The following ZNF407 variants were observed in gnomAD, a reference collection of about 807,000 sequenced individuals.
The protein encoded by ZNF407 is zinc finger protein 407.
A neutral mutation model predicts 131.2 loss-of-function variants in ZNF407; 17 were observed. The ratio of observed to expected loss-of-function variants is 0.13; its 90% confidence interval spans 0.09 to 0.19. The LOEUF (loss-of-function observed/expected upper bound fraction) is 0.19. ZNF407 is among the 10% of genes least tolerant of loss of function. The pLI is 1.00. For synonymous variants in ZNF407, 1,156 were observed against 1,062.0 expected (o/e 1.09, Z -1.72); for missense variants, 2,681 against 2,830.6 (o/e 0.95, Z 1.20).
At chr18:74,727,053 G>T (rs889812867) in intron 3 of ZNF407, among the ~76,000 whole-genome samples, 2 of 152,164 alleles carry the variant, frequency 1.3e-5, no homozygotes, top group African/African-American at 2.4e-5. Context: ...AATTTACTCA[G>T]TTCAGCTCTA....
chr18:74,652,661 T>C (rs889741958), intron 3 of ZNF407, among the ~76,000 whole-genome samples: 1 of 152,006 alleles, frequency 6.6e-6, no homozygotes, highest in African/African-American at 2.4e-5. Context: ...GTGGGTGCTA[T>C]ATTTTTCTCC....
At chr18:74,787,041 A>T (rs1330062603) in intron 4 of ZNF407, among the ~76,000 whole-genome samples, 1 of 151,926 alleles carries the variant, frequency 6.6e-6, no homozygotes, top group African/African-American at 2.4e-5. Context: ...TCCTCACCTC[A>T]GGTGATCCAC....
intron 1 of ZNF407, among the ~76,000 whole-genome samples, chr18:74,599,380 T>A (rs1408206355): frequency 6.6e-6 from 1 of 152,170 alleles, no homozygotes; most frequent in Non-Finnish European, 1.5e-5. Flanking sequence ...GACAGTTCCA[T>A]TGGTACCTTT....
chr18:74,744,746 T>C (rs1420378074), intron 3 of ZNF407, among the ~76,000 whole-genome samples: 1 of 151,346 alleles, frequency 6.6e-6, no homozygotes, highest in African/African-American at 2.4e-5. Flanking sequence ...ATACCATTTT[T>C]GAAAAGCTCA....
intron 5 of ZNF407, among the ~76,000 whole-genome samples, chr18:74,878,269 A>G (rs1453277579): frequency 1.3e-5 from 2 of 152,156 alleles, no homozygotes; most frequent in Non-Finnish European, 2.9e-5. Flanking sequence ...TACACCTCTC[A>G]GAATGTATTT....
At chr18:74,675,688 A>G (rs73971138) in intron 3 of ZNF407, among the ~76,000 whole-genome samples, 3,733 of 152,224 alleles carry the variant, frequency 0.025, 135 homozygotes, top group African/African-American at 0.08. Context: ...TTGAAGTTAT[A>G]TACCCTTTTT....
chr18:74,663,250 A>G (rs1319357464), intron 3 of ZNF407, among the ~76,000 whole-genome samples: 1 of 152,204 alleles, frequency 6.6e-6, no homozygotes, highest in Non-Finnish European at 1.5e-5. Flanking sequence ...GGTAGCTCTT[A>G]TTTATGTGTA....
At chr18:74,872,543 C>T (rs1323254112) in intron 4 of ZNF407, among the ~76,000 whole-genome samples, 1 of 151,868 alleles carries the variant, frequency 6.6e-6, no homozygotes, top group Non-Finnish European at 1.5e-5. Context: ...GCAGGCAGAT[C>T]ACGAGGTCAG....
intron 8 of ZNF407, among the ~76,000 whole-genome samples, chr18:74,982,893 A>C (rs1972609301): frequency 6.6e-6 from 1 of 152,210 alleles, no homozygotes; most frequent in Non-Finnish European, 1.5e-5. Context: ...CTTCCAAAGA[A>C]ACTCATCAAC....
intron 4 of ZNF407, among the ~76,000 whole-genome samples, chr18:74,861,884 T>C (rs2145160459): frequency 6.6e-6 from 1 of 152,336 alleles, no homozygotes; most frequent in East Asian, 1.9e-4. Flanking sequence ...TAAATCCTAC[T>C]CTTGAGGATA....
At chr18:74,759,257 C>T (rs1390097843) in intron 3 of ZNF407, among the ~76,000 whole-genome samples, 2 of 152,058 alleles carry the variant, frequency 1.3e-5, no homozygotes, top group African/African-American at 2.4e-5. Context: ...GACTCTGTTG[C>T]TGCTCTCAGG....
intron 4 of ZNF407, among the ~76,000 whole-genome samples, chr18:74,834,248 A>G (rs2145122087): frequency 6.6e-6 from 1 of 152,378 alleles, no homozygotes; most frequent in African/African-American, 2.4e-5. Flanking sequence ...CAGCTGATTT[A>G]GAAACTATTC....
chr18:74,692,397 C>T (rs560648047), intron 3 of ZNF407, among the ~76,000 whole-genome samples: 71 of 152,174 alleles, frequency 4.7e-4, no homozygotes, highest in Admixed American at 1.7e-3. Flanking sequence ...TCCACAGGCC[C>T]CGCATGCCTG....
chr18:74,693,462 C>T (rs571229392), intron 3 of ZNF407, among the ~76,000 whole-genome samples: 1 of 152,250 alleles, frequency 6.6e-6, no homozygotes, highest in African/African-American at 2.4e-5. Context: ...TAATTAATCT[C>T]AGCTTTTGTT....
chr18:74,669,968 C>T (rs1423832670), intron 3 of ZNF407, among the ~76,000 whole-genome samples: 1 of 152,204 alleles, frequency 6.6e-6, no homozygotes, highest in Non-Finnish European at 1.5e-5. Context: ...CTGAGGAGAG[C>T]CCATTCTGTG....
At chr18:74,732,325 A>G (rs1968312559) in intron 3 of ZNF407, among the ~76,000 whole-genome samples, 2 of 152,160 alleles carry the variant, frequency 1.3e-5, no homozygotes, top group African/African-American at 4.8e-5. Context: ...GTTCACTACA[A>G]GTACTCCTGA....
At chr18:75,015,860 C>G (rs904308609) in intron 8 of ZNF407, among the ~76,000 whole-genome samples, 10 of 151,980 alleles carry the variant, frequency 6.6e-5, no homozygotes, top group African/African-American at 2.4e-4. Context: ...TGGACTTCTT[C>G]TGACATTGCA....
At chr18:74,916,629 A>AGTGTGTGT (rs111309427) in intron 7 of ZNF407, among the ~76,000 whole-genome samples, 8 of 59,484 alleles carry the variant, frequency 1.3e-4, no homozygotes, top group African/African-American at 5.6e-4. Context: ...TCGAATCGGG[A>AGTGTGTGT]GTGTGTGTGT....
intron 3 of ZNF407, among the ~76,000 whole-genome samples, chr18:74,705,651 A>G (rs1352823924): frequency 2.0e-5 from 3 of 152,206 alleles, no homozygotes; most frequent in African/African-American, 7.2e-5. Context: ...TATGTTGATG[A>G]AATTGGATTT....
Sources: allele counts gnomAD v4.1 joint callset (sites outside exome capture counted in the v4.1 genomes callset), GRCh38; gene constraint gnomAD v4.1.1; transcripts MANE v1.5; gene names NCBI Gene and HGNC (gene_info 2026-07-23, HGNC 2026-07-21).